The following CHRDL1 variants were observed in gnomAD, a reference collection of about 807,000 sequenced individuals.
The protein encoded by CHRDL1 is chordin-like protein 1.
CHRDL1 carries 19 observed loss-of-function variants against 40.9 expected under a neutral mutation model. That is an observed-to-expected ratio of 0.46 (90% CI 0.32 to 0.68). The LOEUF is 0.68. Among genes scored for constraint, CHRDL1 ranks in the 30% least tolerant of loss-of-function variants. The pLI, the probability that CHRDL1 is intolerant of heterozygous loss-of-function variation, is 0.03. For missense variants in CHRDL1, 329 were observed against 352.1 expected, an observed-to-expected ratio of 0.93 and a Z score of 0.53; for synonymous variants, 136 against 123.4, an observed-to-expected ratio of 1.10 and a Z score of -0.68.
intron 2 of CHRDL1, among the ~76,000 whole-genome samples, chrX:110,763,288 C>G (rs1299941470): frequency 3.7e-5 from 4 of 107,599 alleles, no homozygotes; most frequent in African/African-American, 1.4e-4. Context: ...TCCCACTCTT[C>G]CCCCCAAGTG....
chrX:110,787,240 C>T (rs1021915261), intron 2 of CHRDL1, among the ~76,000 whole-genome samples: 7 of 111,116 alleles, frequency 6.3e-5, no homozygotes, highest in African/African-American at 1.3e-4. Context: ...ACAATGCTCA[C>T]GCTCATTATG....
chrX:110,741,862 C>T (rs1210852306), intron 4 of CHRDL1, among the ~76,000 whole-genome samples: 1 of 111,621 alleles, frequency 9.0e-6, no homozygotes, highest in Admixed American at 9.5e-5. Context: ...GGCTATTTAC[C>T]CCCTTGCCTC....
intron 2 of CHRDL1, among the ~76,000 whole-genome samples, chrX:110,788,880 G>C (rs1471566871): frequency 9.0e-6 from 1 of 111,373 alleles, no homozygotes; most frequent in African/African-American, 3.3e-5. Flanking sequence ...ATAAATTTCA[G>C]ATGGAATAGA....
chrX:110,782,140 G>C (rs1284455173), intron 2 of CHRDL1, among the ~76,000 whole-genome samples: 1 of 112,120 alleles, frequency 8.9e-6, no homozygotes, highest in Non-Finnish European at 1.9e-5. Context: ...AGCCAGATGA[G>C]AACGGTGATA....
At chrX:110,721,663 T>G in intron 4 of CHRDL1, 133 bp from the exon 5 acceptor site, 1 of 512,511 alleles carries the variant, frequency 2.0e-6, no homozygotes, top group Non-Finnish European at 3.4e-6. Context: ...GACCAATGAT[T>G]TTGAATAATG....
chrX:110,717,596 C>T (rs1048443359), intron 6 of CHRDL1, among the ~76,000 whole-genome samples: 2 of 111,509 alleles, frequency 1.8e-5, no homozygotes, highest in Non-Finnish European at 3.8e-5. Context: ...GATTCTTAAC[C>T]GCTCTCTGCC....
At chrX:110,691,589 T>C (rs1450648519) in intron 8 of CHRDL1, among the ~76,000 whole-genome samples, 1 of 111,523 alleles carries the variant, frequency 9.0e-6, no homozygotes, top group Non-Finnish European at 1.9e-5. Context: ...ATAGTCCCAC[T>C]TGATGCATTT....
intron 2 of CHRDL1, among the ~76,000 whole-genome samples, chrX:110,791,611 A>G (rs1371270670): frequency 8.9e-6 from 1 of 112,151 alleles, no homozygotes; most frequent in Non-Finnish European, 1.9e-5. Flanking sequence ...ATCTGAGCCC[A>G]GTTCATAGGA....
intron 2 of CHRDL1, among the ~76,000 whole-genome samples, chrX:110,786,252 T>C (rs1032754496): frequency 2.7e-5 from 3 of 112,544 alleles, no homozygotes; most frequent in African/African-American, 9.7e-5. Flanking sequence ...TAAAAACATC[T>C]ATTCCTTCTA....
chrX:110,701,823 C>T (rs1158866166), intron 6 of CHRDL1, among the ~76,000 whole-genome samples: 1 of 111,043 alleles, frequency 9.0e-6, no homozygotes, highest in South Asian at 3.8e-4. Context: ...CACACACACA[C>T]AAAAAGAGTA....
At chrX:110,781,182 TGA>T (rs1229766457) in intron 2 of CHRDL1, among the ~76,000 whole-genome samples, 1 of 111,582 alleles carries the variant, frequency 9.0e-6, no homozygotes, top group Non-Finnish European at 1.9e-5. Flanking sequence ...TTCGGTGGGA[TGA>T]GAGTTACTGT....
intron 4 of CHRDL1, among the ~76,000 whole-genome samples, chrX:110,754,630 C>T (rs751059855): frequency 1.8e-5 from 2 of 111,815 alleles, no homozygotes; most frequent in South Asian, 7.5e-4. Context: ...ACTGGGGTGT[C>T]TCTCTTGGCA....
chrX:110,744,426 T>C (rs183960854), intron 4 of CHRDL1, among the ~76,000 whole-genome samples: 1 of 111,606 alleles, frequency 9.0e-6, no homozygotes, highest in Non-Finnish European at 1.9e-5. Flanking sequence ...TCCTTTCTAA[T>C]GCATCTCCCT....
chrX:110,751,859 TGGAATCAACGTAAGTTTCCATC>T (rs1400446729), intron 4 of CHRDL1, among the ~76,000 whole-genome samples: 4 of 111,920 alleles, frequency 3.6e-5, no homozygotes, highest in Non-Finnish European at 7.5e-5. Flanking sequence ...CAGCAAGATA[TGGAATCAACGTAAGTTTCCATC>T]AACGGAAGAA....
chrX:110,721,558 T>A (rs201078326), intron 4 of CHRDL1, 28 bp from the exon 5 acceptor site: 15 of 1,163,455 alleles, frequency 1.3e-5, no homozygotes, highest in Non-Finnish European at 1.8e-5. Context: ...AAAACCACAC[T>A]GAGTATTGGC....
chrX:110,725,417 CACTA>C (rs1035668333), intron 4 of CHRDL1, among the ~76,000 whole-genome samples: 6 of 111,393 alleles, frequency 5.4e-5, no homozygotes, highest in African/African-American at 2.0e-4. Flanking sequence ...TACACCTTGT[CACTA>C]ACTAACACCT....
chrX:110,713,670 T>G (rs905214815), intron 6 of CHRDL1, among the ~76,000 whole-genome samples: 1 of 112,518 alleles, frequency 8.9e-6, no homozygotes, highest in African/African-American at 3.2e-5. Context: ...CCATTTGTCC[T>G]TGGACAAATC....
intron 2 of CHRDL1, among the ~76,000 whole-genome samples, chrX:110,773,456 C>T (rs1463202929): frequency 3.6e-5 from 4 of 111,183 alleles, no homozygotes; most frequent in Admixed American, 1.9e-4. Flanking sequence ...GGGCCGGGCA[C>T]GGTGGCTCAC....
chrX:110,772,436 C>T (rs1342109978), intron 2 of CHRDL1, among the ~76,000 whole-genome samples: 1 of 112,621 alleles, frequency 8.9e-6, no homozygotes, highest in Non-Finnish European at 1.9e-5. Flanking sequence ...GCAAGGAGTT[C>T]GAGACTAGCC....
Sources: allele counts gnomAD v4.1 joint callset (sites outside exome capture counted in the v4.1 genomes callset), GRCh38; gene constraint gnomAD v4.1.1; transcripts MANE v1.5; gene names NCBI Gene and HGNC (gene_info 2026-07-23, HGNC 2026-07-21).